WARS2: variants seen among roughly 807,000 people sequenced by gnomAD.
WARS2 encodes the protein tryptophanyl tRNA synthetase 2, mitochondrial, also known as tryptophan--tRNA ligase, mitochondrial.
WARS2 carries 28 observed loss-of-function variants against 36.5 expected under a neutral mutation model. The observed-to-expected ratio is 0.77, with a 90% CI of 0.57 to 1.05. The LOEUF is 1.05. Among genes scored for constraint, WARS2 ranks in the 50% least tolerant of loss-of-function variants. The pLI, the probability that WARS2 is intolerant of heterozygous loss-of-function variation, is 0.00. For synonymous variants in WARS2, 174 were observed against 178.4 expected (o/e 0.98, Z 0.20); for missense variants, 435 against 456.8 (o/e 0.95, Z 0.44).
intron 1 of WARS2, among the ~76,000 whole-genome samples, chr1:119,123,865 T>G (rs1156234791): frequency 6.6e-6 from 1 of 151,872 alleles, no homozygotes; most frequent in Non-Finnish European, 1.5e-5. Flanking sequence ...ATCTCAAGGC[T>G]TTCAGCACAG....
chr1:119,108,581 T>A (rs1654406249), intron 1 of WARS2, among the ~76,000 whole-genome samples: 1 of 151,928 alleles, frequency 6.6e-6, no homozygotes, highest in South Asian at 2.1e-4. Context: ...CTTTATTTCT[T>A]AGCCTGGCTA....
intron 1 of WARS2, chr1:119,082,273 G>A (rs2101354631): frequency 1.0e-6 from 1 of 985,266 alleles, no homozygotes; most frequent in African/African-American, 1.7e-5. Context: ...TCCCCCACAG[G>A]CTTATTTAGG....
chr1:119,042,550 A>T (rs1249906913), intron 3 of WARS2, among the ~76,000 whole-genome samples: 1 of 152,106 alleles, frequency 6.6e-6, no homozygotes, highest in Non-Finnish European at 1.5e-5. Flanking sequence ...AGGCAGGAAT[A>T]AGGTGAGTGC....
At chr1:119,104,515 A>G (rs921300050) in intron 1 of WARS2, among the ~76,000 whole-genome samples, 1 of 151,780 alleles carries the variant, frequency 6.6e-6, no homozygotes, top group Non-Finnish European at 1.5e-5. Context: ...TTTGTTCAGC[A>G]TCTAATATGT....
chr1:119,122,270 C>T (rs770099390), intron 1 of WARS2, among the ~76,000 whole-genome samples: 4 of 152,078 alleles, frequency 2.6e-5, no homozygotes, highest in Admixed American at 6.6e-5. Flanking sequence ...GATATACAAA[C>T]GGCCAACAAG....
intron 2 of WARS2, among the ~76,000 whole-genome samples, chr1:119,050,157 GCCTTCTGGTGTTCTC>G (rs992490565): frequency 2.6e-5 from 4 of 152,128 alleles, no homozygotes; most frequent in African/African-American, 7.2e-5. Context: ...AGCCATGCTG[GCCTTCTGGTGTTCTC>G]AGAAAACACC....
At chr1:119,105,351 T>C (rs1408504596) in intron 1 of WARS2, among the ~76,000 whole-genome samples, 2 of 152,148 alleles carry the variant, frequency 1.3e-5, no homozygotes, top group Non-Finnish European at 2.9e-5. Flanking sequence ...CAAATGTTAA[T>C]TAGGTAAATG....
chr1:119,085,154 C>T, intron 1 of WARS2: 1 of 792,846 alleles, frequency 1.3e-6, no homozygotes, highest in Non-Finnish European at 2.3e-6. Context: ...TGCCTGAGCT[C>T]CGCCCTCTGT....
At chr1:119,090,082 G>T (rs1011080369) in intron 1 of WARS2, among the ~76,000 whole-genome samples, 1 of 150,946 alleles carries the variant, frequency 6.6e-6, no homozygotes, top group African/African-American at 2.4e-5. Flanking sequence ...ATTTATCTAT[G>T]TAACAACTCT....
intron 2 of WARS2, among the ~76,000 whole-genome samples, chr1:119,067,314 G>A (rs1650958503): frequency 6.6e-6 from 1 of 152,162 alleles, no homozygotes; most frequent in East Asian, 1.9e-4. Flanking sequence ...AGAGGAAAAT[G>A]GCGTTACAAC....
At chr1:119,056,761 G>A (rs887060374) in intron 2 of WARS2, among the ~76,000 whole-genome samples, 3 of 151,670 alleles carry the variant, frequency 2.0e-5, no homozygotes, top group Non-Finnish European at 4.4e-5. Context: ...TTGTTACTGT[G>A]GATTTGTTTG....
intron 2 of WARS2, among the ~76,000 whole-genome samples, chr1:119,048,219 G>A (rs889437881): frequency 6.6e-5 from 10 of 152,178 alleles, no homozygotes; most frequent in African/African-American, 2.4e-4. Context: ...GTAGTTAAGA[G>A]CCCTGTCTTT....
chr1:119,036,940 C>G (rs1419901211), intron 4 of WARS2, among the ~76,000 whole-genome samples: 1 of 152,144 alleles, frequency 6.6e-6, no homozygotes, highest in East Asian at 1.9e-4. Context: ...TTTATCTTAG[C>G]CTTTACTTCT....
chr1:119,137,239 T>C (rs772313731), intron 1 of WARS2, among the ~76,000 whole-genome samples: 5 of 152,358 alleles, frequency 3.3e-5, no homozygotes, highest in Non-Finnish European at 7.4e-5. Context: ...ACAGAAATTC[T>C]CTGTACTAAT....
intron 5 of WARS2, 148 bp downstream of exon 5, chr1:119,033,947 G>C: frequency 1.7e-6 from 1 of 579,728 alleles, no homozygotes; most frequent in South Asian, 2.5e-5. Flanking sequence ...TCCTACACTA[G>C]AGAAAACAAT....
intron 2 of WARS2, among the ~76,000 whole-genome samples, chr1:119,049,776 A>C (rs1303503561): frequency 6.6e-6 from 1 of 152,184 alleles, no homozygotes; most frequent in Non-Finnish European, 1.5e-5. Flanking sequence ...ATCCATTGGC[A>C]AATCTTGTTG....
At chr1:119,037,036 C>T (rs1026339033) in intron 4 of WARS2, among the ~76,000 whole-genome samples, 1 of 152,040 alleles carries the variant, frequency 6.6e-6, no homozygotes, top group African/African-American at 2.4e-5. Flanking sequence ...TATTTTCAGC[C>T]TTTCTCCTCA....
rs1647473036 is a variant in WARS2, at chr1:119,032,085, T to G, written c.*826A>C. On this transcript the variant is annotated 3_prime_UTR_variant, in exon 6 of 6. Coordinates refer to ENST00000235521, the MANE Select transcript of WARS2 (RefSeq NM_015836.4). Reference sequence around the variant, plus strand: ...GGGGTAAGGGTTTTACTCTCAGATTTGCTTCTCTTATGGAGTGATATCGTA... The same window carrying G: ...GGGGTAAGGGTTTTACTCTCAGATTGGCTTCTCTTATGGAGTGATATCGTA... 1 of 152,090 alleles carries G rather than the reference T, an allele frequency of 6.6e-6. No homozygotes were observed. The highest frequency in any genetic ancestry group is 1.5e-5 in the Non-Finnish European group (1 of 67,934). The allele number at this position is 152,090 out of a possible 1,614,324, so 9.4% of individuals were successfully genotyped here.
At chr1:119,117,966 C>G (rs776392289) in intron 1 of WARS2, among the ~76,000 whole-genome samples, 11 of 152,134 alleles carry the variant, frequency 7.2e-5, no homozygotes, top group Non-Finnish European at 1.3e-4. Flanking sequence ...CTGAAACAGT[C>G]TACCCAAATG....
Sources: allele counts gnomAD v4.1 joint callset (sites outside exome capture counted in the v4.1 genomes callset), GRCh38; gene constraint gnomAD v4.1.1; transcripts MANE v1.5; gene names NCBI Gene and HGNC (gene_info 2026-07-23, HGNC 2026-07-21).